Variants in PLEK2 observed in about 807,000 individuals in gnomAD.
PLEK2 encodes pleckstrin 2.
In PLEK2, 29 loss-of-function variants were observed where a neutral mutation model predicts 43.8. That is an observed-to-expected ratio of 0.66 (90% confidence interval 0.49 to 0.90). The LOEUF is 0.90. Ranked by LOEUF, PLEK2 falls within the 40% of genes least tolerant of loss-of-function variation. The probability of loss-of-function intolerance (pLI) is 0.00; values close to 1 mark genes in which losing one functional copy is unlikely to be tolerated. For missense variants in PLEK2, 398 were observed against 448.1 expected, an observed-to-expected ratio of 0.89 and a Z score of 1.01; for synonymous variants, 162 against 173.2, an observed-to-expected ratio of 0.94 and a Z score of 0.51.
intron 1 of PLEK2, among the ~76,000 whole-genome samples, chr14:67,405,816 G>C (rs910343472): frequency 5.3e-5 from 8 of 152,200 alleles, no homozygotes; most frequent in Non-Finnish European, 1.0e-4. Flanking sequence ...ATGTAGGTGA[G>C]CTCAGAATTG....
intron 1 of PLEK2, among the ~76,000 whole-genome samples, chr14:67,406,570 G>T (rs1256643219): frequency 2.0e-5 from 3 of 152,218 alleles, no homozygotes; most frequent in African/African-American, 7.2e-5. Flanking sequence ...GTGCCACAAA[G>T]TTTGATCTTC....
At chr14:67,402,520 C>T (rs904351858) in intron 1 of PLEK2, among the ~76,000 whole-genome samples, 7 of 152,116 alleles carry the variant, frequency 4.6e-5, no homozygotes, top group African/African-American at 1.7e-4. Context: ...AAGTCTTTCT[C>T]ATTCTTTCTA....
rs566742844 is a variant in PLEK2, at chr14:67,405,203, C to T, written c.42+6815G>A. 2.2e-3 allele frequency among the ~76,000 whole-genome samples: 275 copies of T among 122,346 alleles called. 4 individuals are homozygous for T. Among genetic ancestry groups the T allele is most frequent in the African/African-American group, 8.6e-3 (264 of 30,784 alleles). 80.3% of individuals were successfully genotyped at this position (122,346 alleles called of 152,430 possible). ...AGCCAAGATTGAGCTCCAGCCTGGG[C>T]GACAGAGCAAGAGTCCATCTCAAAA... is the stretch of plus-strand genomic sequence containing the variant. On this transcript the variant is annotated intron_variant, in intron 1 of 8. Transcript: ENST00000216446.
At chr14:67,406,333 C>T (rs1222055293) in intron 1 of PLEK2, among the ~76,000 whole-genome samples, 2 of 151,526 alleles carry the variant, frequency 1.3e-5, no homozygotes, top group Admixed American at 6.6e-5. Flanking sequence ...GGGCATGATA[C>T]AAACCCCAAG....
At chr14:67,404,969 C>T (rs1401316922) in intron 1 of PLEK2, among the ~76,000 whole-genome samples, 2 of 151,862 alleles carry the variant, frequency 1.3e-5, no homozygotes, top group East Asian at 3.9e-4. Flanking sequence ...TGCGGTGGCT[C>T]ACACCTGTAA....
At chr14:67,407,217 A>T (rs1411564240) in intron 1 of PLEK2, among the ~76,000 whole-genome samples, 1 of 151,684 alleles carries the variant, frequency 6.6e-6, no homozygotes, top group Non-Finnish European at 1.5e-5. Context: ...CACCTCTTGG[A>T]TTCAAGCAAT....
chr14:67,401,312 C>A (rs947528496), intron 1 of PLEK2, among the ~76,000 whole-genome samples: 4 of 151,890 alleles, frequency 2.6e-5, no homozygotes, highest in South Asian at 2.1e-4. Flanking sequence ...CATAGGAAGA[C>A]CTCATCTCTA....
chr14:67,397,750 C>T lies in PLEK2; in HGVS notation c.119G>A (p.Gly40Glu). The stretch of plus-strand genomic sequence containing the variant: ...CTTGGGAGGGGTCACTCTCCGACCC[C>T]CCTCAAGCTTGTAGTACACCAGCGT... The part of the protein sequence containing the change: ...QNTLVYYKLE[G>E]GRRVTPPKGR... The change falls in exon 2 of 9, where the codon GGG becomes GAG. Residue 40 changes from glycine to glutamate, a missense_variant. Transcript: ENST00000216446. 6.2e-7 allele frequency: 1 copy of T among 1,613,470 alleles called. No individual in the cohort carries two copies. Among genetic ancestry groups the T allele is most frequent in the Non-Finnish European group, 8.5e-7 (1 of 1,179,704 alleles).
At chr14:67,395,656 G>C in intron 2 of PLEK2, 73 bp from the exon 3 acceptor site, 4 of 1,318,100 alleles carry the variant, frequency 3.0e-6, no homozygotes, top group South Asian at 2.6e-5. Flanking sequence ...AAAATGACGG[G>C]GCCCCGGGAG....
intron 8 of PLEK2, among the ~76,000 whole-genome samples, chr14:67,387,721 G>A (rs1212015717): frequency 6.6e-6 from 1 of 152,146 alleles, no homozygotes; most frequent in Non-Finnish European, 1.5e-5. Flanking sequence ...GCTCAAGATG[G>A]TAGCATGCCA....
chr14:67,411,983 C>A (rs538544365), intron 1 of PLEK2, 35 bp downstream of exon 1: 2 of 1,522,818 alleles, frequency 1.3e-6, no homozygotes, highest in South Asian at 1.2e-5. Context: ...CGGGGCCCCA[C>A]CCGGGCAATG....
At chr14:67,400,423 CAA>C (rs2086040247) in intron 1 of PLEK2, among the ~76,000 whole-genome samples, 1 of 152,054 alleles carries the variant, frequency 6.6e-6, no homozygotes, top group African/African-American at 2.4e-5. Flanking sequence ...TTTAAAGAAA[CAA>C]AAAAGATTTG....
chr14:67,400,947 A>T (rs900731998), intron 1 of PLEK2, among the ~76,000 whole-genome samples: 1 of 151,882 alleles, frequency 6.6e-6, no homozygotes, highest in African/African-American at 2.4e-5. Flanking sequence ...CTATGATCAC[A>T]CCACAGCACT....
rs146011093 is a variant in PLEK2 at position 67,407,575 on chromosome 14, G to A, written c.42+4443C>T. Among the ~76,000 whole-genome samples, 928 of 151,890 alleles carry A rather than the reference G, an allele frequency of 6.1e-3. 10 individuals carry two copies. The highest frequency in any genetic ancestry group is 0.02 in the African/African-American group (834 of 41,390). ...CCCATCTCAGCCTCCCAAGCAGCTG[G>A]GACTACAAGCGAGTACCACCATGAC... On this transcript the variant is annotated intron_variant, in intron 1 of 8. Transcript: ENST00000216446.
intron 1 of PLEK2, among the ~76,000 whole-genome samples, chr14:67,408,676 C>A (rs1336978504): frequency 6.6e-6 from 1 of 152,144 alleles, no homozygotes; most frequent in Non-Finnish European, 1.5e-5. Context: ...CCTGCAAACA[C>A]CAGAAGCTAG....
rs2086011268 is a variant in PLEK2, at chr14:67,396,589, A to C, written c.208-1006T>G. Among the ~76,000 whole-genome samples, 3 of 152,320 alleles carry C rather than the reference A, an allele frequency of 2.0e-5. No individual in the cohort carries two copies. In the South Asian group the frequency reaches 6.2e-4, roughly 32 times the overall value. ...CCACACTGGAGGCCCTTCTCCCCAG[A>C]AGCCACACCCACCTCTCTGCATGCA... On this transcript the variant is annotated intron_variant, in intron 2 of 8. Transcript: ENST00000216446.
At chr14:67,391,262 G>A (rs1452232623) in intron 6 of PLEK2, among the ~76,000 whole-genome samples, 1 of 141,020 alleles carries the variant, frequency 7.1e-6, no homozygotes, top group Non-Finnish European at 1.5e-5. Flanking sequence ...AAATGTGTAA[G>A]CAGCTGATAT....
chr14:67,391,320 C>T (rs1372031777), intron 6 of PLEK2, among the ~76,000 whole-genome samples: 4 of 144,764 alleles, frequency 2.8e-5, no homozygotes, highest in Admixed American at 1.4e-4. Context: ...TCTTTGGCCT[C>T]ACTGACCAGG....
In PLEK2 at chr14:67,392,326, C is replaced by A; in HGVS notation, c.771G>T (p.Gln257His). 1 of 1,586,906 alleles carries A rather than the reference C, an allele frequency of 6.3e-7. No individual in the cohort carries two copies. Among genetic ancestry groups the A allele is most frequent in the Non-Finnish European group, 8.7e-7 (1 of 1,155,046 alleles). Reference sequence around the variant, plus strand: ...TCTTCCCTGCTCATAGCAGCCATACCTGCTTGGCCAGGTAGCCTTGTTTCA... The same window carrying A: ...TCTTCCCTGCTCATAGCAGCCATACATGCTTGGCCAGGTAGCCTTGTTTCA... Reference protein sequence around the residue: ...TVVKQGYLAKQGHKRKNWKVR... With the variant: ...TVVKQGYLAKHGHKRKNWKVR... Residue 257 changes from glutamine (Q) to histidine (H), a missense_variant and splice_region_variant, in exon 6 of 9, where the codon CAG becomes CAT. Gln to His is a conservative substitution (Grantham distance 24). Transcript: ENST00000216446.
Sources: gnomAD v4.1 joint callset for allele counts (sites outside exome capture counted in the v4.1 genomes callset) on GRCh38, gnomAD v4.1.1 for gene constraint, MANE v1.5 for transcripts, NCBI Gene and HGNC (gene_info 2026-07-23, HGNC 2026-07-21) for gene names.